Variants in CACNA2D3 observed in about 807,000 individuals in gnomAD.
CACNA2D3 encodes calcium voltage-gated channel auxiliary subunit alpha2delta 3.
Under a neutral mutation model 160.6 loss-of-function variants are expected in CACNA2D3, and 60 were observed. The ratio of observed to expected loss-of-function variants is 0.37; its 90% confidence interval spans 0.30 to 0.46. CACNA2D3 has a LOEUF of 0.46. Among genes scored for constraint, CACNA2D3 ranks in the 20% least tolerant of loss-of-function variants. CACNA2D3 has a pLI of 1.00. For synonymous variants in CACNA2D3, 558 were observed against 492.9 expected (o/e 1.13, Z -1.75); for missense variants, 1,205 against 1,365.0 (o/e 0.88, Z 1.85).
intron 25 of CACNA2D3, among the ~76,000 whole-genome samples, chr3:54,892,139 T>G (rs754009843): frequency 2.0e-5 from 3 of 152,148 alleles, no homozygotes; most frequent in Non-Finnish European, 4.4e-5. Flanking sequence ...CTTTTCTGAG[T>G]CTGTTAATAA....
intron 11 of CACNA2D3, among the ~76,000 whole-genome samples, chr3:54,682,452 C>T (rs959388299): frequency 2.6e-5 from 4 of 151,888 alleles, no homozygotes; most frequent in Admixed American, 1.3e-4. Context: ...ATGACGAAAC[C>T]CTGTCTCTAC....
At chr3:54,800,299 C>G (rs963531881) in intron 13 of CACNA2D3, among the ~76,000 whole-genome samples, 1 of 152,180 alleles carries the variant, frequency 6.6e-6, no homozygotes, top group African/African-American at 2.4e-5. Context: ...GCAGGAAATA[C>G]AAATGCATCC....
chr3:54,667,762 T>C (rs1700092335), intron 11 of CACNA2D3, among the ~76,000 whole-genome samples: 1 of 152,054 alleles, frequency 6.6e-6, no homozygotes, highest in African/African-American at 2.4e-5. Flanking sequence ...CTGTGTAACA[T>C]AGGGAGACCC....
At chr3:54,998,487 A>G (rs183784949) in intron 31 of CACNA2D3, among the ~76,000 whole-genome samples, 1 of 152,218 alleles carries the variant, frequency 6.6e-6, no homozygotes, top group African/African-American at 2.4e-5. Flanking sequence ...TAAGATGCTG[A>G]TGGGATTAAT....
At chr3:54,997,666 C>T (rs1033590264) in intron 31 of CACNA2D3, among the ~76,000 whole-genome samples, 2 of 151,780 alleles carry the variant, frequency 1.3e-5, no homozygotes, top group East Asian at 1.9e-4. Context: ...TTGAAGGCTA[C>T]AGTGAGCTAT....
At chr3:54,394,123 T>G (rs1001203104) in intron 4 of CACNA2D3, among the ~76,000 whole-genome samples, 6 of 152,088 alleles carry the variant, frequency 3.9e-5, no homozygotes, top group African/African-American at 1.4e-4. Flanking sequence ...CAGCTTTACC[T>G]TGCTCCCTGG....
rs561428531 is a variant in CACNA2D3, at chr3:54,207,272, G to A, written c.204+83678G>A. 9.8e-4 allele frequency among the ~76,000 whole-genome samples: 148 copies of A among 150,716 alleles called. 8 individuals carry two copies. The highest frequency in any genetic ancestry group is 3.4e-3 in the African/African-American group (141 of 40,912). ...TACAGTCTCACTAATGCTGGGAGAC[G>A]TGTGCTAGGGTCTTCATCTTCCTCA... On this transcript the variant is annotated intron_variant, in intron 2 of 37. Coordinates refer to ENST00000474759, the MANE Select transcript of CACNA2D3 (RefSeq NM_018398.3).
In CACNA2D3 at chr3:54,280,230, C is replaced by T. The variant is rs200850876; in HGVS notation, c.205-40212C>T. Among the ~76,000 whole-genome samples the T allele has an allele frequency of 6.9e-4, 105 of 152,128 alleles. No homozygotes were observed. The East Asian group carries it at 0.017, about 24-fold the overall frequency. ...CTGAGTAGCTGGAACTACAGGTGCTCGCCACCACGCCCAGCTAATTTTTTG... is the reference window on the plus strand; with the variant it reads ...CTGAGTAGCTGGAACTACAGGTGCTTGCCACCACGCCCAGCTAATTTTTTG... On this transcript the variant is annotated intron_variant, in intron 2 of 37. Transcript: ENST00000474759.
At chr3:54,876,536 G>T (rs1699663008) in intron 18 of CACNA2D3, among the ~76,000 whole-genome samples, 1 of 152,100 alleles carries the variant, frequency 6.6e-6, no homozygotes, top group South Asian at 2.1e-4. Context: ...CATTTTATTT[G>T]ATTTTTAAAA....
chr3:54,640,343 C>T (rs1460602547), intron 10 of CACNA2D3, among the ~76,000 whole-genome samples: 2 of 152,304 alleles, frequency 1.3e-5, no homozygotes, highest in East Asian at 3.9e-4. Context: ...TTTTTACTTA[C>T]TGAAGGTTGA....
chr3:54,472,956 C>T (rs545945922), intron 4 of CACNA2D3, among the ~76,000 whole-genome samples: 1 of 152,286 alleles, frequency 6.6e-6, no homozygotes, highest in African/African-American at 2.4e-5. Flanking sequence ...GGCCATAATG[C>T]CCAAAGTAAT....
intron 12 of CACNA2D3, among the ~76,000 whole-genome samples, chr3:54,763,653 ATGTG>A (rs34209151): frequency 6.7e-4 from 94 of 140,716 alleles, no homozygotes; most frequent in African/African-American, 1.9e-3. Flanking sequence ...GTGTATATAT[ATGTG>A]TGTGTGTGTG....
chr3:54,847,549 A>G lies in CACNA2D3; in HGVS notation c.1626+1082A>G, dbSNP rs137980936. On this transcript the variant is annotated intron_variant, in intron 17 of 37. Transcript: ENST00000474759. ...AAACAGTTCATGTGAGAGCTCCATC[A>G]TCATGCAACTTTGCTCTAATCGCCC... Among the ~76,000 whole-genome samples the G allele has an allele frequency of 3.7e-3, 570 of 152,330 alleles. 3 individuals carry two copies. Among genetic ancestry groups the G allele is most frequent in the Middle Eastern group, 6.8e-3 (2 of 294 alleles).
At chr3:54,560,236 C>T (rs956372311) in intron 5 of CACNA2D3, among the ~76,000 whole-genome samples, 2 of 152,214 alleles carry the variant, frequency 1.3e-5, no homozygotes, top group Non-Finnish European at 2.9e-5. Context: ...TCCACAACCT[C>T]ACCAGCATCT....
intron 35 of CACNA2D3, among the ~76,000 whole-genome samples, chr3:55,018,987 T>C (rs577917267): frequency 6.6e-6 from 1 of 151,282 alleles, no homozygotes; most frequent in Non-Finnish European, 1.5e-5. Flanking sequence ...CTTACTGTGT[T>C]GCCTGGGCTG....
chr3:55,056,687 A>G (rs939673024), intron 35 of CACNA2D3, among the ~76,000 whole-genome samples: 4 of 152,190 alleles, frequency 2.6e-5, no homozygotes, highest in Non-Finnish European at 2.9e-5. Flanking sequence ...ATTATTCTAT[A>G]TGAAATAAGC....
chr3:55,003,172 A>G (rs1054845550), intron 31 of CACNA2D3, among the ~76,000 whole-genome samples: 10 of 152,196 alleles, frequency 6.6e-5, no homozygotes, highest in African/African-American at 2.4e-4. Context: ...TCCTGTGGAG[A>G]GAATTTCATC....
intron 34 of CACNA2D3, among the ~76,000 whole-genome samples, chr3:55,012,098 C>A (rs4955829): frequency 0.7 from 106,769 of 152,066 alleles, 37,913 homozygotes; most frequent in African/African-American, 0.73. Flanking sequence ...AGTGGTTAGG[C>A]ACCCTGGGTA....
At chr3:54,779,182 C>T (rs1702485921) in intron 13 of CACNA2D3, among the ~76,000 whole-genome samples, 2 of 152,108 alleles carry the variant, frequency 1.3e-5, no homozygotes, top group Non-Finnish European at 2.9e-5. Flanking sequence ...ACTGCAACCT[C>T]CACCTCCCAG....
Sources: allele counts gnomAD v4.1 joint callset (sites outside exome capture counted in the v4.1 genomes callset), GRCh38; gene constraint gnomAD v4.1.1; transcripts MANE v1.5; gene names NCBI Gene and HGNC (gene_info 2026-07-23, HGNC 2026-07-21).